The following ACYP2 variants were observed in gnomAD, a reference collection of about 807,000 sequenced individuals.
ACYP2 encodes acylphosphatase 2.
In ACYP2, 12 loss-of-function variants were observed where a neutral mutation model predicts 11.2. The ratio of observed to expected loss-of-function variants is 1.08; its 90% confidence interval spans 0.69 to 1.74. ACYP2 has a LOEUF of 1.74. Among genes scored for constraint, ACYP2 ranks in the 40% most tolerant of loss-of-function variants. The probability of loss-of-function intolerance (pLI) is 0.00; values close to 1 mark genes in which losing one functional copy is unlikely to be tolerated. For missense variants in ACYP2, 134 were observed against 101.9 expected, an observed-to-expected ratio of 1.31 and a Z score of -1.35; for synonymous variants, 43 against 32.2, an observed-to-expected ratio of 1.33 and a Z score of -1.13.
chr2:54,292,635 T>C (rs1689356637), intron 6 of ACYP2, among the ~76,000 whole-genome samples: 1 of 150,938 alleles, frequency 6.6e-6, no homozygotes, highest in Admixed American at 6.7e-5. Flanking sequence ...AACCAGTTGA[T>C]TGAAACATTT....
intron 2 of ACYP2, among the ~76,000 whole-genome samples, chr2:54,013,177 C>T (rs942697743): frequency 7.6e-6 from 1 of 131,134 alleles, no homozygotes; most frequent in Non-Finnish European, 1.6e-5. Context: ...CCCCCCGCCC[C>T]AGCTTCCACA....
intron 6 of ACYP2, among the ~76,000 whole-genome samples, chr2:54,165,127 T>G (rs181602216): frequency 1.3e-5 from 2 of 152,326 alleles, no homozygotes; most frequent in African/African-American, 4.8e-5. Context: ...GGCATTTGGG[T>G]TGGTTCCATG....
chr2:54,100,608 C>A (rs536700789), intron 4 of ACYP2, among the ~76,000 whole-genome samples: 146 of 152,202 alleles, frequency 9.6e-4, no homozygotes, highest in Middle Eastern at 3.4e-3. Context: ...CACACCCACC[C>A]GAGATCCTCC....
rs528472681 is a variant in ACYP2, at chr2:54,273,304, G to A, written c.405-31384G>A. 4.6e-5 allele frequency among the ~76,000 whole-genome samples: 7 copies of A among 152,282 alleles called. 1 individual carries two copies. The highest frequency in any genetic ancestry group is 1.7e-4 in the African/African-American group (7 of 41,544). On this transcript the variant is annotated intron_variant, in intron 6 of 6. Transcript: ENST00000607452. Reference sequence around the variant, plus strand: ...CAAAGTTTTAAATGTTCCATTAGAAGATATACTACAATACTAGTACATTAA... The same window carrying A: ...CAAAGTTTTAAATGTTCCATTAGAAAATATACTACAATACTAGTACATTAA...
chr2:54,287,332 G>A lies in ACYP2; in HGVS notation c.405-17356G>A, dbSNP rs1431217468. The stretch of plus-strand genomic sequence containing the variant: ...TAAGTGGCTAATCCCATGCATAAGG[G>A]CCCCCCCTCATGACCTAATCACCTC... On this transcript the variant is annotated intron_variant, in intron 6 of 6. Coordinates refer to ENST00000607452, the MANE Select transcript of ACYP2 (RefSeq NM_001320586.2). 2.0e-5 allele frequency among the ~76,000 whole-genome samples: 3 copies of A among 151,810 alleles called. No homozygotes were observed. The South Asian group carries it at 6.2e-4, about 32-fold the overall frequency.
intron 2 of ACYP2, among the ~76,000 whole-genome samples, chr2:54,013,920 G>A (rs1245523689): frequency 1.3e-5 from 2 of 152,108 alleles, no homozygotes; most frequent in Non-Finnish European, 2.9e-5. Flanking sequence ...CACTTTGGGA[G>A]GCTGAGGTGG....
intron 4 of ACYP2, among the ~76,000 whole-genome samples, chr2:54,096,292 G>C (rs1678573394): frequency 7.1e-6 from 1 of 141,740 alleles, no homozygotes; most frequent in African/African-American, 2.7e-5. Flanking sequence ...GGGCAGAGAC[G>C]CTCCTCACTT....
At chr2:54,017,959 C>G (rs941661359) in intron 2 of ACYP2, among the ~76,000 whole-genome samples, 3 of 152,116 alleles carry the variant, frequency 2.0e-5, no homozygotes, top group Admixed American at 2.0e-4. Context: ...CTTGGCCTCC[C>G]AAACTACTGG....
intron 4 of ACYP2, among the ~76,000 whole-genome samples, chr2:54,095,567 C>CA (rs1678495359): frequency 6.7e-6 from 1 of 148,954 alleles, no homozygotes; most frequent in South Asian, 2.1e-4. Flanking sequence ...GGGGGGCTGA[C>CA]CCCACCACCT....
intron 6 of ACYP2, among the ~76,000 whole-genome samples, chr2:54,214,315 A>C (rs963031166): frequency 2.6e-5 from 4 of 152,130 alleles, no homozygotes; most frequent in African/African-American, 9.7e-5. Flanking sequence ...AATCTTTGCC[A>C]GGGCCTACGT....
At chr2:54,094,212 T>C (rs2103686953) in intron 4 of ACYP2, among the ~76,000 whole-genome samples, 1 of 151,078 alleles carries the variant, frequency 6.6e-6, no homozygotes, top group East Asian at 2.0e-4. Flanking sequence ...GAAGAAGACA[T>C]GGTGGGGAGA....
chr2:54,184,825 TTAAC>T (rs1284346681), intron 6 of ACYP2, among the ~76,000 whole-genome samples: 1 of 151,910 alleles, frequency 6.6e-6, no homozygotes, highest in Non-Finnish European at 1.5e-5. Flanking sequence ...TCATTTCAAA[TTAAC>T]TAATGCATTT....
At chr2:53,976,704 A>ATTT (rs1172864227) in intron 2 of ACYP2, among the ~76,000 whole-genome samples, 1 of 152,102 alleles carries the variant, frequency 6.6e-6, no homozygotes, top group African/African-American at 2.4e-5. Flanking sequence ...TAAGTTTTGA[A>ATTT]TTTTTCCTTC....
chr2:54,247,287 A>C (rs1558640462), intron 6 of ACYP2, among the ~76,000 whole-genome samples: 2 of 152,112 alleles, frequency 1.3e-5, no homozygotes. Flanking sequence ...TGACAAGCCA[A>C]GTTTATCTTA....
intron 6 of ACYP2, among the ~76,000 whole-genome samples, chr2:54,269,627 T>C (rs1486614810): frequency 6.6e-6 from 1 of 152,220 alleles, no homozygotes; most frequent in African/African-American, 2.4e-5. Context: ...ATCGTAACTC[T>C]AGGAAGCTGA....
chr2:54,246,055 G>GT (rs1261857088), intron 6 of ACYP2, among the ~76,000 whole-genome samples: 2 of 152,028 alleles, frequency 1.3e-5, no homozygotes, highest in Non-Finnish European at 2.9e-5. Context: ...TGGAGGTCTA[G>GT]TTTCATTCTT....
At chr2:54,182,133 C>T (rs1683765626) in intron 6 of ACYP2, among the ~76,000 whole-genome samples, 1 of 140,890 alleles carries the variant, frequency 7.1e-6, no homozygotes, top group Non-Finnish European at 1.5e-5. Context: ...AATCTCAGCT[C>T]ACTGTAACCT....
intron 6 of ACYP2, chr2:54,142,078 T>G (rs1681640416): frequency 2.5e-6 from 1 of 402,172 alleles, no homozygotes; most frequent in Non-Finnish European, 4.4e-6. Context: ...CTCACTATGT[T>G]GCTCAGGCTG....
intron 2 of ACYP2, among the ~76,000 whole-genome samples, chr2:53,986,355 T>C (rs1331366231): frequency 6.6e-6 from 1 of 151,232 alleles, no homozygotes; most frequent in Non-Finnish European, 1.5e-5. Flanking sequence ...TTTTTTTTTT[T>C]TGATGGAGTC....
Sources: gnomAD v4.1 joint callset for allele counts (sites outside exome capture counted in the v4.1 genomes callset) on GRCh38, gnomAD v4.1.1 for gene constraint, MANE v1.5 for transcripts, NCBI Gene and HGNC (gene_info 2026-07-23, HGNC 2026-07-21) for gene names.